NOD1: variants seen among roughly 807,000 people sequenced by gnomAD.
The protein encoded by NOD1 is nucleotide-binding oligomerization domain-containing protein 1.
NOD1 carries 70 observed loss-of-function variants against 81.2 expected under a neutral mutation model. That is an observed-to-expected ratio of 0.86 (90% CI 0.71 to 1.05). The LOEUF is 1.05. NOD1 is among the 50% of genes least tolerant of loss of function. The probability of loss-of-function intolerance (pLI) is 0.00; values close to 1 mark genes in which losing one functional copy is unlikely to be tolerated. For synonymous variants in NOD1, 508 were observed against 526.9 expected (o/e 0.96, Z 0.49); for missense variants, 1,233 against 1,228.0 (o/e 1.00, Z -0.06).
rs1784085788 is a variant in NOD1, at chr7:30,433,150, A to G, written c.2651T>C (p.Val884Ala). The G allele has an allele frequency of 6.2e-7, 1 of 1,614,022 alleles. No individual in the cohort carries two copies. The highest frequency in any genetic ancestry group is 1.3e-5 in the African/African-American group (1 of 74,944). ...CAACATTTCTGCCAAACTCTCTGCC[A>G]CTTCATCGTTGAGTTCATTTTGGGT... ...WLTQNELNDE[V>A]AESLAEMLKV... The change falls in exon 12 of 14, where the codon GTG becomes GCG. Residue 884 changes from valine (V) to alanine (A), a missense_variant. Transcript: ENST00000222823.
intron 11 of NOD1, chr7:30,433,402 T>C: frequency 1.8e-6 from 1 of 546,256 alleles, no homozygotes; most frequent in Non-Finnish European, 3.2e-6. Flanking sequence ...TCCTATTTCT[T>C]AGCCCAGCTA....
rs1157820719 is a variant in NOD1 at position 30,456,745 on chromosome 7, A to T, written c.177T>A (p.Cys59Ter). The T allele has an allele frequency of 6.2e-7, 1 of 1,614,066 alleles. No homozygotes were observed. Among genetic ancestry groups the T allele is most frequent in the African/African-American group, 1.3e-5 (1 of 75,036 alleles). The change falls in exon 4 of 14, where the codon TGT (cysteine) becomes TGA (stop). Residue 59 changes from cysteine (C) to a stop codon, truncating the protein, a stop_gained. Coordinates refer to ENST00000222823, the MANE Select transcript of NOD1 (RefSeq NM_006092.4). LOFTEE classifies it high-confidence loss of function. ...CCTTGTCAGGCTGGGTGGGGCAGGC[A>T]CACACAATCTCCGCATCTTCGGCCG... ...YFSAEDAEIV[C>*]ACPTQPDKVR... is the part of the protein sequence containing the mutation.
intron 8 of NOD1, 44 bp from the exon 9 acceptor site, chr7:30,446,268 G>A (rs1785072757): frequency 6.9e-7 from 1 of 1,439,714 alleles, no homozygotes; most frequent in Non-Finnish European, 9.8e-7. Context: ...CTATGCAGGG[G>A]CTCCAATGTG....
At position 30,446,202 on chromosome 7, in the gene NOD1, T is replaced by C. The variant is rs755931384; in HGVS notation, c.2392A>G (p.Ser798Gly). 1 of 1,613,964 alleles carries C rather than the reference T, an allele frequency of 6.2e-7. No homozygotes were observed. The highest frequency in any genetic ancestry group is 8.5e-7 in the Non-Finnish European group (1 of 1,179,954). The stretch of plus-strand genomic sequence containing the variant: ...AGGGCGAGATACTTCCCTCCTTCAC[T>C]TGTTATTTTGTTTTTTCCCAGTCTG... Reference protein sequence around the residue: ...HLKLGKNKITSEGGKYLALAV... With the variant: ...HLKLGKNKITGEGGKYLALAV... Residue 798 changes from serine (S) to glycine (G), a missense_variant, in exon 9 of 14, where the codon AGT becomes GGT. Ser to Gly is a moderately conservative substitution (Grantham distance 56). Coordinates refer to ENST00000222823, the MANE Select transcript of NOD1 (RefSeq NM_006092.4).
intron 1 of NOD1, among the ~76,000 whole-genome samples, chr7:30,464,295 G>A (rs373160211): frequency 1.6e-4 from 24 of 152,230 alleles, no homozygotes; most frequent in African/African-American, 5.8e-4. Context: ...CGAGGCACAT[G>A]ACAGTGCTCT....
At chr7:30,454,695 C>A (rs1245074246) in intron 5 of NOD1, among the ~76,000 whole-genome samples, 1 of 151,904 alleles carries the variant, frequency 6.6e-6, no homozygotes. Flanking sequence ...TGTAGGGGCA[C>A]AATCATAGCT....
At chr7:30,474,716 G>A (rs1483418661) in intron 1 of NOD1, among the ~76,000 whole-genome samples, 1 of 152,210 alleles carries the variant, frequency 6.6e-6, no homozygotes, top group Non-Finnish European at 1.5e-5. Flanking sequence ...CCACCGACTG[G>A]TATTGGTCCA....
At chr7:30,447,458 A>C (rs1216044994) in intron 7 of NOD1, 2 of 239,982 alleles carry the variant, frequency 8.3e-6, no homozygotes, top group Non-Finnish European at 1.7e-5. Flanking sequence ...TGAATATTAA[A>C]ACTTCTCGAT....
intron 1 of NOD1, among the ~76,000 whole-genome samples, chr7:30,462,036 C>A (rs1482601147): frequency 6.6e-6 from 1 of 152,174 alleles, no homozygotes; most frequent in East Asian, 1.9e-4. Flanking sequence ...CCGTGCCTGG[C>A]CAGGAATGAT....
Position 30,452,115 on chromosome 7 carries a change from G to C in NOD1, c.1302C>G (p.Asn434Lys). ...VFLLVTEVHL[N>K]RMQPSSLVQR... ...GCACCAGGCTGCTGGGCTGCATCCT[G>C]TTCAGATGGACCTCAGTGACCAGGA... Residue 434 changes from asparagine to lysine, a missense_variant, in exon 6 of 14, where the codon AAC (asparagine) becomes AAG (lysine). By Grantham distance (94) the Asn-to-Lys change is moderately conservative. Transcript: ENST00000222823. The C allele has an allele frequency of 6.2e-7, 1 of 1,613,960 alleles. No homozygotes were observed.
chr7:30,477,148 G>A (rs1788867564), intron 1 of NOD1, among the ~76,000 whole-genome samples: 1 of 152,186 alleles, frequency 6.6e-6, no homozygotes, highest in African/African-American at 2.4e-5. Flanking sequence ...CAGATTTGAT[G>A]GGTTCCAAAG....
rs1056396747 is a variant in NOD1, at chr7:30,467,713, T to C, written c.-351-7672A>G. On this transcript the variant is annotated intron_variant, in intron 1 of 13. Coordinates refer to ENST00000222823, the MANE Select transcript of NOD1 (RefSeq NM_006092.4). This position sits in a 1 kb window ranked among gnomAD's most constrained non-coding sequence, Gnocchi z 4.5. Reference sequence around the variant, plus strand: ...TTGTTGTTATTTTTGTTTGTTTGTTTGTTTTGAGACAGAGTTTCACTCTTG... The same window carrying C: ...TTGTTGTTATTTTTGTTTGTTTGTTCGTTTTGAGACAGAGTTTCACTCTTG... Among the ~76,000 whole-genome samples the C allele has an allele frequency of 3.9e-5, 6 of 152,172 alleles. No individual in the cohort carries two copies. The highest frequency in any genetic ancestry group is 1.4e-4 in the African/African-American group (6 of 41,422).
At chr7:30,477,360 G>A (rs1383483746) in intron 1 of NOD1, among the ~76,000 whole-genome samples, 1 of 152,200 alleles carries the variant, frequency 6.6e-6, no homozygotes, top group African/African-American at 2.4e-5. Flanking sequence ...GCCTGGGTGA[G>A]AACAGGGAAT....
Position 30,447,011 on chromosome 7 carries a change from G to A in NOD1, c.2325C>T (p.Tyr775=), listed in dbSNP as rs765168394. ...TGCATTCATCCAGGATTTTGGTGACGTACCTGGCTCCGACATCGGTGATCT... is the reference window on the plus strand; with the variant it reads ...TGCATTCATCCAGGATTTTGGTGACATACCTGGCTCCGACATCGGTGATCT... ...NNQITDVGAR[Y]VTKILDECKG... is the part of the protein sequence containing the mutation. Residue 775 remains tyrosine (Y), a synonymous_variant, in exon 8 of 14, where the codon TAC becomes TAT. Transcript: ENST00000222823. The A allele has an allele frequency of 1.4e-5, 23 of 1,614,122 alleles. No individual in the cohort carries two copies. Among genetic ancestry groups the A allele is most frequent in the African/African-American group, 2.7e-5 (2 of 75,058 alleles).
At chr7:30,473,109 G>C (rs940885001) in intron 1 of NOD1, among the ~76,000 whole-genome samples, 1 of 152,164 alleles carries the variant, frequency 6.6e-6, no homozygotes. Flanking sequence ...CACACACACA[G>C]AAAGCCAGAA....
At chr7:30,476,412 G>A (rs1788786689) in intron 1 of NOD1, among the ~76,000 whole-genome samples, 1 of 152,200 alleles carries the variant, frequency 6.6e-6, no homozygotes, top group Admixed American at 6.5e-5. Context: ...CTGGGACGCA[G>A]GCATCAGCAA....
chr7:30,458,486 A>G (rs1173002275), intron 3 of NOD1, among the ~76,000 whole-genome samples: 1 of 152,106 alleles, frequency 6.6e-6, no homozygotes, highest in Non-Finnish European at 1.5e-5. Flanking sequence ...AGTGGTTCTC[A>G]ATTTTTTTTC....
At chr7:30,431,241 C>T (rs528660611) in intron 12 of NOD1, among the ~76,000 whole-genome samples, 1 of 149,312 alleles carries the variant, frequency 6.7e-6, no homozygotes, top group East Asian at 2.0e-4. Flanking sequence ...AATAATTCTG[C>T]AGGCTAAAAA....
intron 11 of NOD1, among the ~76,000 whole-genome samples, chr7:30,435,379 C>G (rs1220871467): frequency 1.3e-5 from 2 of 152,118 alleles, no homozygotes; most frequent in Non-Finnish European, 2.9e-5. Context: ...AAGTTGGCCT[C>G]TGCTAAGCAC....
Sources: gnomAD v4.1 joint callset for allele counts (sites outside exome capture counted in the v4.1 genomes callset) on GRCh38, gnomAD v4.1.1 for gene constraint, Gnocchi (gnomAD v3.1) non-coding constraint, MANE v1.5 for transcripts, NCBI Gene and HGNC (gene_info 2026-07-23, HGNC 2026-07-21) for gene names.